Variants in EYS observed in about 807,000 individuals in gnomAD.
EYS encodes the protein protein eyes shut homolog.
A neutral mutation model predicts 282.1 loss-of-function variants in EYS; 250 were observed. The observed-to-expected ratio is 0.89, with a 90% CI of 0.80 to 0.98. EYS has a LOEUF of 0.98. Among genes scored for constraint, EYS ranks in the 50% least tolerant of loss-of-function variants. The pLI is 0.00. For missense variants in EYS, 4,016 were observed against 3,709.0 expected (o/e 1.08, Z -2.15); for synonymous variants, 1,355 against 1,282.9 (o/e 1.06, Z -1.20).
intron 37 of EYS, among the ~76,000 whole-genome samples, chr6:63,796,527 GAAGGA>G (rs1422780438): frequency 6.6e-6 from 1 of 152,110 alleles, no homozygotes; most frequent in African/African-American, 2.4e-5. Context: ...ATTTCATTTA[GAAGGA>G]AAGACTTAAT....
At chr6:64,420,015 G>T (rs1175555135) in intron 28 of EYS, among the ~76,000 whole-genome samples, 1 of 152,200 alleles carries the variant, frequency 6.6e-6, no homozygotes, top group Non-Finnish European at 1.5e-5. Context: ...CTCTGCCCCT[G>T]AAGCAAACTT....
intron 9 of EYS, among the ~76,000 whole-genome samples, chr6:65,349,910 A>C (rs1306081660): frequency 1.3e-5 from 2 of 151,520 alleles, no homozygotes; most frequent in East Asian, 3.9e-4. Context: ...TAGAAGTTGC[A>C]TGTTTTTGTT....
chr6:63,867,940 G>C (rs917940580), intron 35 of EYS, among the ~76,000 whole-genome samples: 1 of 152,158 alleles, frequency 6.6e-6, no homozygotes, highest in Non-Finnish European at 1.5e-5. Flanking sequence ...TCTCTCCAGA[G>C]TGAAAGCTTG....
rs114419825 is a variant in EYS at position 64,085,342 on chromosome 6, A to G, written c.6425-3340T>C. On this transcript the variant is annotated intron_variant, in intron 31 of 42. Transcript: ENST00000503581. ...CGCGCGCGTGCGCACGTGCGCGCGC[A>G]CACACACACACACACACACACACAG... 7.6e-3 allele frequency among the ~76,000 whole-genome samples: 644 copies of G among 84,816 alleles called. 4 individuals carry two copies. Among genetic ancestry groups the G allele is most frequent in the Middle Eastern group, 0.061 (9 of 148 alleles). 55.6% of individuals were successfully genotyped at this position (84,816 alleles called of 152,430 possible). A position where few individuals can be genotyped will look rare whatever the true frequency, so the allele number is the denominator to read the frequency against.
chr6:65,155,420 T>A (rs907984583), intron 12 of EYS, among the ~76,000 whole-genome samples: 1 of 138,924 alleles, frequency 7.2e-6, no homozygotes, highest in African/African-American at 2.5e-5. Context: ...TTTCACCAAA[T>A]ACAACACTGA....
intron 2 of EYS, among the ~76,000 whole-genome samples, chr6:65,612,890 C>A (rs1766050857): frequency 6.6e-6 from 1 of 151,324 alleles, no homozygotes; most frequent in Non-Finnish European, 1.5e-5. Flanking sequence ...ACTTATTTTA[C>A]TTTTTCTGGT....
At chr6:64,994,386 A>T (rs1471320425) in intron 14 of EYS, among the ~76,000 whole-genome samples, 1 of 152,118 alleles carries the variant, frequency 6.6e-6, no homozygotes, top group Non-Finnish European at 1.5e-5. Flanking sequence ...CTGTAAATAT[A>T]AAAATGTTAA....
At chr6:64,805,639 G>T (rs953641099) in intron 22 of EYS, among the ~76,000 whole-genome samples, 1 of 151,288 alleles carries the variant, frequency 6.6e-6, no homozygotes, top group Non-Finnish European at 1.5e-5. Flanking sequence ...TTCAAAATCA[G>T]TTCCAAAAGT....
chr6:64,826,989 C>G (rs1359096968), intron 19 of EYS, among the ~76,000 whole-genome samples: 1 of 151,714 alleles, frequency 6.6e-6, no homozygotes, highest in African/African-American at 2.4e-5. Context: ...ATCAAATACT[C>G]TCATCTCCTG....
chr6:65,318,709 T>C (rs1360154221), intron 11 of EYS, among the ~76,000 whole-genome samples: 7 of 150,636 alleles, frequency 4.6e-5, no homozygotes, highest in Non-Finnish European at 1.0e-4. Context: ...GGGCACGATC[T>C]CCACTCATTG....
At chr6:64,974,432 A>C (rs1406179154) in intron 14 of EYS, among the ~76,000 whole-genome samples, 1 of 148,764 alleles carries the variant, frequency 6.7e-6, no homozygotes, top group Admixed American at 6.6e-5. Flanking sequence ...GTTCCAGCTC[A>C]TAATTACTGA....
At chr6:64,482,120 A>AT (rs1326663113) in intron 26 of EYS, among the ~76,000 whole-genome samples, 2 of 151,628 alleles carry the variant, frequency 1.3e-5, no homozygotes, top group Non-Finnish European at 3.0e-5. Context: ...TCAGAATTAT[A>AT]TTTTTTAGCT....
intron 33 of EYS, among the ~76,000 whole-genome samples, chr6:64,003,945 C>T (rs1482877816): frequency 2.0e-5 from 3 of 152,176 alleles, no homozygotes; most frequent in Admixed American, 1.3e-4. Flanking sequence ...TTTCCTGAGG[C>T]CTCCCCAGCC....
chr6:64,265,226 C>T (rs190288995), intron 30 of EYS, among the ~76,000 whole-genome samples: 1 of 152,134 alleles, frequency 6.6e-6, no homozygotes, highest in East Asian at 1.9e-4. Context: ...TGCCAATATG[C>T]ATTTTGTAGA....
intron 12 of EYS, among the ~76,000 whole-genome samples, chr6:65,089,982 TACACAC>T (rs113762450): frequency 3.5e-5 from 5 of 141,272 alleles, no homozygotes; most frequent in Non-Finnish European, 6.1e-5. Context: ...TATAAATAAA[TACACAC>T]ACACACACAC....
chr6:64,528,716 C>A (rs566297832), intron 26 of EYS, among the ~76,000 whole-genome samples: 54 of 152,056 alleles, frequency 3.6e-4, no homozygotes, highest in African/African-American at 1.3e-3. Context: ...ACTCTAATTA[C>A]TCCTGGGTAA....
chr6:64,197,245 G>A (rs932876206), intron 31 of EYS, among the ~76,000 whole-genome samples: 16 of 152,122 alleles, frequency 1.1e-4, no homozygotes, highest in Non-Finnish European at 2.1e-4. Context: ...CTGCTGTTGA[G>A]AGAGGCGATT....
intron 22 of EYS, among the ~76,000 whole-genome samples, chr6:64,707,324 T>A (rs1192991582): frequency 6.6e-6 from 1 of 151,968 alleles, no homozygotes; most frequent in Non-Finnish European, 1.5e-5. Flanking sequence ...AATAATACAA[T>A]GGACTTTGGG....
At chr6:64,981,415 A>G (rs1214216654) in intron 14 of EYS, among the ~76,000 whole-genome samples, 2 of 151,268 alleles carry the variant, frequency 1.3e-5, no homozygotes, top group African/African-American at 4.8e-5. Context: ...CTTTCTGAAC[A>G]AATTCACTTT....
Sources: allele counts gnomAD v4.1 joint callset (sites outside exome capture counted in the v4.1 genomes callset), GRCh38; gene constraint gnomAD v4.1.1; transcripts MANE v1.5; gene names NCBI Gene and HGNC (gene_info 2026-07-23, HGNC 2026-07-21).